Variants in SCN8A observed in about 807,000 individuals in gnomAD.
SCN8A encodes the protein sodium channel protein type 8 subunit alpha.
A neutral mutation model predicts 184.1 loss-of-function variants in SCN8A; 30 were observed. The ratio of observed to expected loss-of-function variants is 0.16; its 90% CI spans 0.12 to 0.22. The LOEUF is 0.22. Ranked by LOEUF, SCN8A falls within the 10% of genes least tolerant of loss-of-function variation. The pLI, the probability that SCN8A is intolerant of heterozygous loss-of-function variation, is 1.00. For synonymous variants in SCN8A, 852 were observed against 907.0 expected, an observed-to-expected ratio of 0.94 and a Z score of 1.09; for missense variants, 1,057 against 2,498.9, an observed-to-expected ratio of 0.42 and a Z score of 12.30.
At position 51,721,879 on chromosome 12, in the gene SCN8A, T is replaced by C. The variant is rs1429377869; in HGVS notation, c.1969T>C (p.Ser657Pro). The C allele has an allele frequency of 1.2e-6, 2 of 1,601,556 alleles. No individual in the cohort carries two copies. Among genetic ancestry groups the C allele is most frequent in the South Asian group, 1.1e-5 (1 of 91,086 alleles). The change falls in exon 12 of 27, where the codon TCC becomes CCC. Residue 657 changes from serine to proline, a missense_variant. Physicochemically the swap from Ser to Pro is moderately conservative, Grantham distance 74 (BLOSUM62 -1). This residue lies in a region of SCN8A where 322 missense variants were observed against 390.1 expected (regional missense o/e 0.83). Transcript: ENST00000627620. ...GVVSLIGGPG[S>P]HIGGRLLPEA... ...GGTGTCCCTCATCGGCGGCCCCGGCTCCCACATCGGCGGGCGTCTCCTGCC... is the reference window on the plus strand; with the variant it reads ...GGTGTCCCTCATCGGCGGCCCCGGCCCCCACATCGGCGGGCGTCTCCTGCC...
intron 20 of SCN8A, among the ~76,000 whole-genome samples, chr12:51,778,022 T>G (rs1937765040): frequency 6.6e-6 from 1 of 152,156 alleles, no homozygotes; most frequent in African/African-American, 2.4e-5. Flanking sequence ...CCATATAAAT[T>G]CTTATTGATA....
intron 13 of SCN8A, among the ~76,000 whole-genome samples, chr12:51,749,486 C>T (rs1942563829): frequency 6.6e-6 from 1 of 152,120 alleles, no homozygotes; most frequent in South Asian, 2.1e-4. Context: ...CAAATATGTA[C>T]TGTAAGAATT....
At chr12:51,660,358 G>T (rs1013486) in intron 1 of SCN8A, among the ~76,000 whole-genome samples, 102 of 152,320 alleles carry the variant, frequency 6.7e-4, no homozygotes, top group Admixed American at 5.7e-3. Context: ...TAGATCACAA[G>T]AATTTGTCAG....
chr12:51,797,499 A>G (rs1388094463), intron 26 of SCN8A, among the ~76,000 whole-genome samples: 4 of 152,190 alleles, frequency 2.6e-5, no homozygotes, highest in African/African-American at 9.7e-5. Flanking sequence ...TACTCATTCT[A>G]TATTCACTTT....
chr12:51,758,283 C>T (rs1217382472), intron 14 of SCN8A, among the ~76,000 whole-genome samples: 1 of 152,148 alleles, frequency 6.6e-6, no homozygotes, highest in Non-Finnish European at 1.5e-5. Flanking sequence ...ATAGCAACAC[C>T]CTATCTGTAA....
chr12:51,644,490 G>T (rs1350269592), intron 1 of SCN8A, among the ~76,000 whole-genome samples: 2 of 152,208 alleles, frequency 1.3e-5, no homozygotes, highest in Non-Finnish European at 2.9e-5. Context: ...ACAATTATTG[G>T]AAGTATTATT....
chr12:51,715,394 AAGAGGGC>A (rs1392957015), intron 11 of SCN8A, among the ~76,000 whole-genome samples: 7 of 152,114 alleles, frequency 4.6e-5, no homozygotes, highest in African/African-American at 1.7e-4. Flanking sequence ...TCCAAGTTTC[AAGAGGGC>A]AGGGACCATG....
chr12:51,768,168 A>G (rs1008576474), intron 16 of SCN8A: 3 of 152,216 alleles, frequency 2.0e-5, no homozygotes, highest in Non-Finnish European at 4.4e-5. Flanking sequence ...TCCCACTCCT[A>G]AAAAGTAAGT....
At chr12:51,789,551 G>C (rs1368254450) in intron 24 of SCN8A, 133 bp downstream of exon 24, 1 of 1,021,046 alleles carries the variant, frequency 9.8e-7, no homozygotes, top group Non-Finnish European at 1.4e-6. Context: ...TGTGACCCTG[G>C]CCCCCATACG....
At chr12:51,664,003 G>A (rs1257721727) in intron 2 of SCN8A, among the ~76,000 whole-genome samples, 3 of 135,580 alleles carry the variant, frequency 2.2e-5, no homozygotes, top group African/African-American at 7.9e-5. Flanking sequence ...TCCGCCTCCT[G>A]GTTTCAAGCA....
chr12:51,804,648 G>T (rs1435249243), intron 26 of SCN8A, among the ~76,000 whole-genome samples: 1 of 152,122 alleles, frequency 6.6e-6, no homozygotes, highest in Non-Finnish European at 1.5e-5. Flanking sequence ...TAATTTTTTT[G>T]TATTTTTAGT....
rs1312384803 is a variant in SCN8A at position 51,807,615 on chromosome 12, AC to A, written c.*190del. ...AGCAGTGACCTGCCAAGGGCAAAGG[AC>A]CCCGCTCCCTAGACTTACAGATTTT... On this transcript the variant is annotated 3_prime_UTR_variant, in exon 27 of 27. Coordinates refer to ENST00000627620, the MANE Select transcript of SCN8A (RefSeq NM_001330260.2). The surrounding 1 kb of genome is among the most constrained non-coding windows in gnomAD (Gnocchi z 4.5). 1 of 651,150 alleles carries A rather than the reference AC, an allele frequency of 1.5e-6. No individual in the cohort carries two copies. Among genetic ancestry groups the A allele is most frequent in the Non-Finnish European group, 2.6e-6 (1 of 379,548 alleles). 40.3% of individuals were successfully genotyped at this position (651,150 alleles called of 1,614,324 possible).
At chr12:51,748,404 C>T (rs533200794) in intron 13 of SCN8A, among the ~76,000 whole-genome samples, 3 of 152,248 alleles carry the variant, frequency 2.0e-5, no homozygotes, top group African/African-American at 7.2e-5. Flanking sequence ...CTATTGCAAA[C>T]ATGCTTACCA....
chr12:51,612,887 A>C (rs534680670), intron 1 of SCN8A, among the ~76,000 whole-genome samples: 17 of 152,060 alleles, frequency 1.1e-4, no homozygotes, highest in African/African-American at 4.1e-4. Flanking sequence ...ATGCTCAGCT[A>C]ATTTTTTGTA....
At chr12:51,742,013 AT>A (rs1264093484) in intron 12 of SCN8A, among the ~76,000 whole-genome samples, 1 of 152,192 alleles carries the variant, frequency 6.6e-6, no homozygotes, top group East Asian at 1.9e-4. Flanking sequence ...ATAACCCATT[AT>A]TTTAAACTGA....
chr12:51,794,611 G>T lies in SCN8A; in HGVS notation c.4765G>T (p.Asp1589Tyr). ...CTTCACCATTGGCTGGAACATCTTC[G>T]ACTTCGTGGTAGTCATCCTCTCCAT... ...YYFTIGWNIF[D>Y]FVVVILSIVG... Residue 1589 changes from aspartate (D) to tyrosine (Y), a missense_variant, in exon 26 of 27, where the codon GAC becomes TAC. Physicochemically the swap from Asp to Tyr is radical, Grantham distance 160. This residue lies in a region of SCN8A where 34 missense variants were observed against 64.0 expected (regional missense o/e 0.53). Coordinates refer to ENST00000627620, the MANE Select transcript of SCN8A (RefSeq NM_001330260.2). The T allele has an allele frequency of 6.2e-7, 1 of 1,613,892 alleles. No homozygotes were observed. Among genetic ancestry groups the T allele is most frequent in the East Asian group, 2.2e-5 (1 of 44,864 alleles).
chr12:51,769,864 C>G lies in SCN8A; in HGVS notation c.3373-4C>G, dbSNP rs1347515146. On this transcript the variant is annotated splice_polypyrimidine_tract_variant and splice_region_variant and intron_variant, in intron 17 of 26. Transcript: ENST00000627620. ...CCTGATCTCCCTTTTCCTTGCGTGT[C>G]TAGAAACTAGATGACACCAGCTCCT... 6.3e-7 allele frequency: 1 copy of G among 1,582,594 alleles called. No homozygotes were observed. The highest frequency in any genetic ancestry group is 8.6e-7 in the Non-Finnish European group (1 of 1,162,026).
chr12:51,664,914 G>A (rs1941002706), intron 2 of SCN8A, among the ~76,000 whole-genome samples: 1 of 152,044 alleles, frequency 6.6e-6, no homozygotes, highest in South Asian at 2.1e-4. Context: ...CCCGATGTGT[G>A]TTGATCCCTC....
chr12:51,629,638 TGTG>T (rs1403463982), intron 1 of SCN8A, among the ~76,000 whole-genome samples: 2 of 150,166 alleles, frequency 1.3e-5, no homozygotes, highest in African/African-American at 2.5e-5. Flanking sequence ...ACATAATTGA[TGTG>T]GTGGTGTTCT....
Sources: gnomAD v4.1 joint callset for allele counts (sites outside exome capture counted in the v4.1 genomes callset) on GRCh38, gnomAD v4.1.1 for gene constraint, gnomAD v4.1.1 regional missense constraint, Gnocchi (gnomAD v3.1) non-coding constraint, MANE v1.5 for transcripts, NCBI Gene and HGNC (gene_info 2026-07-23, HGNC 2026-07-21) for gene names.